Variants in APBA1 observed in about 807,000 individuals in gnomAD.
APBA1 encodes amyloid-beta A4 precursor protein-binding family A member 1.
In APBA1, 55 loss-of-function variants were observed where a neutral mutation model predicts 86.6. That is an observed-to-expected ratio of 0.64 (90% CI 0.51 to 0.80). APBA1 has a LOEUF of 0.80. APBA1 is among the 30% of genes least tolerant of loss of function. The pLI is 0.00. For synonymous variants in APBA1, 511 were observed against 493.9 expected, an observed-to-expected ratio of 1.03 and a Z score of -0.46; for missense variants, 1,090 against 1,183.0, an observed-to-expected ratio of 0.92 and a Z score of 1.15.
intron 1 of APBA1, among the ~76,000 whole-genome samples, chr9:69,588,856 A>G (rs1365678950): frequency 3.3e-5 from 5 of 152,238 alleles, no homozygotes; most frequent in Admixed American, 6.5e-5. Flanking sequence ...GCCAACATTA[A>G]CAAGGCTACT....
intron 1 of APBA1, among the ~76,000 whole-genome samples, chr9:69,524,233 T>A (rs1194607583): frequency 6.6e-6 from 1 of 151,698 alleles, no homozygotes; most frequent in South Asian, 2.1e-4. Flanking sequence ...ATAACTAAAA[T>A]CAGAGCAAGA....
At chr9:69,587,572 GGTAT>G (rs1822046073) in intron 1 of APBA1, among the ~76,000 whole-genome samples, 5 of 152,042 alleles carry the variant, frequency 3.3e-5, no homozygotes, top group African/African-American at 1.2e-4. Context: ...AAGTAGGTTC[GGTAT>G]ATGAGACTGA....
At chr9:69,591,545 C>T (rs146250216) in intron 1 of APBA1, among the ~76,000 whole-genome samples, 44 of 152,284 alleles carry the variant, frequency 2.9e-4, no homozygotes, top group African/African-American at 9.4e-4. Context: ...TGCAGGGTAA[C>T]ACTCTGCCTC....
intron 10 of APBA1, among the ~76,000 whole-genome samples, chr9:69,445,723 A>G (rs545191610): frequency 6.6e-6 from 1 of 152,340 alleles, no homozygotes; most frequent in East Asian, 1.9e-4. Flanking sequence ...AAAATAAGGT[A>G]GGAAGAGTAA....
At position 69,653,133 on chromosome 9, in the gene APBA1, T is replaced by G. The variant is rs1304282506; in HGVS notation, c.-70+19020A>C. 2.0e-5 allele frequency among the ~76,000 whole-genome samples: 3 copies of G among 151,824 alleles called. 1 individual carries two copies. Among genetic ancestry groups the G allele is most frequent in the African/African-American group, 7.3e-5 (3 of 41,374 alleles). On this transcript the variant is annotated intron_variant, in intron 1 of 12. Coordinates refer to ENST00000265381, the MANE Select transcript of APBA1 (RefSeq NM_001163.4). The stretch of plus-strand genomic sequence containing the variant: ...AAATATATTCCATGCAAATGGAAAC[T>G]AAAAAAGAGCAGGAGTAGTTATACC...
intron 2 of APBA1, among the ~76,000 whole-genome samples, chr9:69,483,157 CAA>C (rs1192992471): frequency 3.6e-3 from 262 of 73,332 alleles, no homozygotes; most frequent in African/African-American, 9.8e-3. Flanking sequence ...AAAAACGAAA[CAA>C]AAAAAAAAAA....
At chr9:69,617,242 T>C (rs1029627441) in intron 1 of APBA1, among the ~76,000 whole-genome samples, 1 of 152,164 alleles carries the variant, frequency 6.6e-6, no homozygotes, top group Admixed American at 6.5e-5. Context: ...CTATGGCATG[T>C]GTGTTCCCAC....
At position 69,517,164 on chromosome 9, in the gene APBA1, G is replaced by T. The variant is rs769262299; in HGVS notation, c.47C>A (p.Ala16Glu). 7 of 1,555,350 alleles carry T rather than the reference G, an allele frequency of 4.5e-6. No homozygotes were observed. Among genetic ancestry groups the T allele is most frequent in the African/African-American group, 4.1e-5 (3 of 73,040 alleles). Residue 16 changes from alanine (A) to glutamate (E), a missense_variant, in exon 2 of 13, where the codon GCG (alanine) becomes GAG (glutamate). Coordinates refer to ENST00000265381, the MANE Select transcript of APBA1 (RefSeq NM_001163.4). ...CGACTCGTTCACCTCCCCACCTGCC[G>T]CCTCGTCGGTCACCTCCACCTCCGC... ...GSAEVEVTDE[A>E]AGGEVNESVE...
In APBA1 at chr9:69,516,073, C is replaced by A. The variant is rs749743607; in HGVS notation, c.1138G>T (p.Val380Phe). 3 of 1,612,810 alleles carry A rather than the reference C, an allele frequency of 1.9e-6. No individual in the cohort carries two copies. The change falls in exon 2 of 13, where the codon GTC (valine) becomes TTC (phenylalanine). Residue 380 changes from valine (V) to phenylalanine (F), a missense_variant. Physicochemically the swap from Val to Phe is conservative, Grantham distance 50. Coordinates refer to ENST00000265381, the MANE Select transcript of APBA1 (RefSeq NM_001163.4). The surrounding 1 kb of genome is among the most constrained non-coding windows in gnomAD (Gnocchi z 7.3). ...GTGGGGCTAATGTCCTGGCGCATGA[C>A]CCAGATGGGCTCTTTGGGCTCGTCG... ...TPDEPKEPIW[V>F]MRQDISPTRD...
At chr9:69,436,083 C>T (rs1257401620) in intron 11 of APBA1, among the ~76,000 whole-genome samples, 1 of 150,522 alleles carries the variant, frequency 6.6e-6, no homozygotes. Flanking sequence ...AAAGATCAGA[C>T]AGTTGTAGAT....
intron 2 of APBA1, among the ~76,000 whole-genome samples, chr9:69,501,548 T>A (rs894206593): frequency 1.3e-5 from 2 of 151,652 alleles, no homozygotes; most frequent in African/African-American, 4.8e-5. Flanking sequence ...ATGCCTGTAA[T>A]ATGACACTTT....
chr9:69,594,181 G>A (rs560251304), intron 1 of APBA1, among the ~76,000 whole-genome samples: 1 of 152,194 alleles, frequency 6.6e-6, no homozygotes, highest in African/African-American at 2.4e-5. Context: ...TCATATCATG[G>A]CTGCAGCAAC....
intron 1 of APBA1, among the ~76,000 whole-genome samples, chr9:69,656,783 G>C (rs1371753021): frequency 6.6e-6 from 1 of 151,650 alleles, no homozygotes; most frequent in Non-Finnish European, 1.5e-5. Context: ...TATCACATTG[G>C]ATGTATTATG....
At position 69,428,701 on chromosome 9, in the gene APBA1, G is replaced by A. The variant is rs1316713103; in HGVS notation, c.*2626C>T. ...AGAAGGGAAGACCACCACTTCTCTT[G>A]GGACTTTCAAAAAATCTAGCGACTT... is the stretch of plus-strand genomic sequence containing the variant. On this transcript the variant is annotated 3_prime_UTR_variant, in exon 13 of 13. Transcript: ENST00000265381. 1 of 152,204 alleles carries A rather than the reference G, an allele frequency of 6.6e-6. No homozygotes were observed. Among genetic ancestry groups the A allele is most frequent in the Non-Finnish European group, 1.5e-5 (1 of 68,060 alleles). 9.4% of individuals were successfully genotyped at this position (152,204 alleles called of 1,614,324 possible).
chr9:69,443,155 C>T (rs998433490), intron 10 of APBA1, among the ~76,000 whole-genome samples: 2 of 152,188 alleles, frequency 1.3e-5, no homozygotes, highest in African/African-American at 4.8e-5. Flanking sequence ...CAGCCCCTGG[C>T]CACTTTTTAG....
At chr9:69,440,966 G>A (rs1834810744) in intron 11 of APBA1, 30 bp downstream of exon 11, 2 of 1,605,204 alleles carry the variant, frequency 1.2e-6, no homozygotes, top group African/African-American at 2.7e-5. Flanking sequence ...TCAACATTGT[G>A]GAAAAGGGTG....
chr9:69,470,479 A>C lies in APBA1; in HGVS notation c.1336+1177T>G, dbSNP rs370049502. Among the ~76,000 whole-genome samples, 172 of 152,280 alleles carry C rather than the reference A, an allele frequency of 1.1e-3. 1 individual carries two copies. The highest frequency in any genetic ancestry group is 3.9e-3 in the African/African-American group (164 of 41,548). ...AAGACGGGAGCTTTCAAACTTCAGA[A>C]AACTTCCCAGAATGCTCTCACAGAA... is the stretch of plus-strand genomic sequence containing the variant. On this transcript the variant is annotated intron_variant, in intron 4 of 12. Transcript: ENST00000265381.
At chr9:69,476,648 A>C (rs1835452088) in intron 2 of APBA1, among the ~76,000 whole-genome samples, 1 of 152,222 alleles carries the variant, frequency 6.6e-6, no homozygotes, top group African/African-American at 2.4e-5. Flanking sequence ...GTCAATTCAG[A>C]TTTCAAATAT....
chr9:69,490,782 A>C (rs1835695846), intron 2 of APBA1, among the ~76,000 whole-genome samples: 1 of 152,136 alleles, frequency 6.6e-6, no homozygotes, highest in Non-Finnish European at 1.5e-5. Context: ...ACCCCATCAA[A>C]AAGTGGGCAA....
Sources: gnomAD v4.1 joint callset for allele counts (sites outside exome capture counted in the v4.1 genomes callset) on GRCh38, gnomAD v4.1.1 for gene constraint, Gnocchi (gnomAD v3.1) non-coding constraint, MANE v1.5 for transcripts, NCBI Gene and HGNC (gene_info 2026-07-23, HGNC 2026-07-21) for gene names.